Variants in NUMA1 observed in about 807,000 individuals in gnomAD.
NUMA1 encodes SP-H antigen.
In NUMA1, 62 loss-of-function variants were observed where a neutral mutation model predicts 237.1. The observed-to-expected ratio is 0.26, with a 90% CI of 0.21 to 0.32. NUMA1 has a LOEUF of 0.32. NUMA1 is among the 10% of genes least tolerant of loss of function. The probability of loss-of-function intolerance (pLI) is 1.00; values close to 1 mark genes in which losing one functional copy is unlikely to be tolerated. For synonymous variants in NUMA1, 1,028 were observed against 1,066.1 expected, an observed-to-expected ratio of 0.96 and a Z score of 0.70; for missense variants, 2,533 against 2,666.5, an observed-to-expected ratio of 0.95 and a Z score of 1.10.
At chr11:72,026,015 G>A (rs1163691873) in intron 4 of NUMA1, among the ~76,000 whole-genome samples, 1 of 152,062 alleles carries the variant, frequency 6.6e-6, no homozygotes, top group African/African-American at 2.4e-5. Context: ...AAAAATGCTG[G>A]GTTAAACTGA....
rs148604464 is a variant in NUMA1, at chr11:72,009,108, C to T, written c.4917G>A (p.Glu1639=). 5 of 1,613,040 alleles carry T rather than the reference C, an allele frequency of 3.1e-6. No individual in the cohort carries two copies. Among genetic ancestry groups the T allele is most frequent in the African/African-American group, 2.7e-5 (2 of 74,904 alleles). The change falls in exon 19 of 27, where the codon GAG becomes GAA. Residue 1639 remains glutamate (E), a synonymous_variant. Transcript: ENST00000393695. ...GCTCTTTGTTTTCCTTCTGCAGCTG[C>T]TCCAGGCTCCGCAGCTGCTCCTGCA... ...QELQEQLRSL[E]QLQKENKELR...
intron 2 of NUMA1, among the ~76,000 whole-genome samples, chr11:72,060,600 GCCA>G (rs1942887728): frequency 6.6e-6 from 1 of 151,976 alleles, no homozygotes. Context: ...CTGCCATTGT[GCCA>G]CCACATTCCA....
At chr11:72,064,185 C>G (rs1227232428) in intron 2 of NUMA1, among the ~76,000 whole-genome samples, 1 of 152,090 alleles carries the variant, frequency 6.6e-6, no homozygotes, top group Non-Finnish European at 1.5e-5. Flanking sequence ...TGGCTGGGTA[C>G]AGTGGCTCAC....
At chr11:72,079,743 A>AG (rs1339038226) in intron 1 of NUMA1, among the ~76,000 whole-genome samples, 3 of 30,028 alleles carry the variant, frequency 1.0e-4, no homozygotes, top group African/African-American at 1.6e-4. Flanking sequence ...AAAAACAAAC[A>AG]AAAATTAAAA....
At chr11:72,037,386 G>C (rs1218535178) in intron 2 of NUMA1, among the ~76,000 whole-genome samples, 1 of 152,090 alleles carries the variant, frequency 6.6e-6, no homozygotes, top group Non-Finnish European at 1.5e-5. Flanking sequence ...GGCGCCTGTA[G>C]TCCCAGCTAC....
At chr11:72,007,929 G>C (rs1275124694) in intron 20 of NUMA1, 3 of 369,690 alleles carry the variant, frequency 8.1e-6, no homozygotes, top group East Asian at 1.3e-4. Flanking sequence ...CTCTCACCTA[G>C]ACTCATCATG....
At chr11:72,005,626 A>AG (rs1203398230) in intron 22 of NUMA1, 5 of 522,586 alleles carry the variant, frequency 9.6e-6, no homozygotes, top group Non-Finnish European at 1.3e-5. Flanking sequence ...TCACCTGCCA[A>AG]GGCTTGGTGG....
chr11:72,080,006 C>T (rs952106218), intron 1 of NUMA1, among the ~76,000 whole-genome samples: 1 of 152,090 alleles, frequency 6.6e-6, no homozygotes, highest in African/African-American at 2.4e-5. Flanking sequence ...CTCAGGCTCC[C>T]CATCTTTAAA....
chr11:72,022,677 T>G (rs75604223), intron 6 of NUMA1, among the ~76,000 whole-genome samples: 4,324 of 151,744 alleles, frequency 0.028, 59 homozygotes, highest in East Asian at 0.074. Context: ...CATGGAACCC[T>G]GGGTGTGAAG....
At chr11:72,011,141 CAGG>C (rs1374629810) in intron 16 of NUMA1, among the ~76,000 whole-genome samples, 7 of 152,220 alleles carry the variant, frequency 4.6e-5, no homozygotes, top group Non-Finnish European at 8.8e-5. Context: ...CCTCCAAAAT[CAGG>C]AGAATTGACT....
At chr11:72,009,538 C>T (rs1039273328) in intron 17 of NUMA1, 151 bp from the exon 18 acceptor site, 38 of 1,064,766 alleles carry the variant, frequency 3.6e-5, no homozygotes, top group Non-Finnish European at 7.9e-6. Context: ...TACTCTCTGC[C>T]CGACTACAGT....
intron 2 of NUMA1, among the ~76,000 whole-genome samples, chr11:72,040,056 G>A (rs549115659): frequency 9.8e-5 from 15 of 152,288 alleles, no homozygotes; most frequent in Admixed American, 3.9e-4. Flanking sequence ...TCCAAGAGAC[G>A]CCATACAGAG....
rs746044172 is a variant in NUMA1, at chr11:72,015,499, C to T, written c.2004G>A (p.Glu668=). 1 of 1,613,266 alleles carries T rather than the reference C, an allele frequency of 6.2e-7. No individual in the cohort carries two copies. The highest frequency in any genetic ancestry group is 8.5e-7 in the Non-Finnish European group (1 of 1,180,032). ...CVETARQEQH[E]AQAQVAELEL... is the part of the protein sequence containing the mutation. ...CTAGCTCTGCAACCTGGGCCTGGGC[C>T]TCATGCTGTTCCTGGCGGGCTGTCT... Residue 668 remains glutamate, a synonymous_variant, in exon 15 of 27, where the codon GAG becomes GAA. Transcript: ENST00000393695. This position sits in a 1 kb window ranked among gnomAD's most constrained non-coding sequence, Gnocchi z 4.0.
chr11:72,054,735 C>T (rs550210654), intron 2 of NUMA1, among the ~76,000 whole-genome samples: 38 of 152,224 alleles, frequency 2.5e-4, no homozygotes, highest in African/African-American at 7.9e-4. Context: ...AGGTCTTAGA[C>T]GTGAGATATC....
intron 2 of NUMA1, among the ~76,000 whole-genome samples, chr11:72,043,759 A>G (rs1040280502): frequency 3.3e-5 from 5 of 152,100 alleles, no homozygotes; most frequent in Non-Finnish European, 5.9e-5. Context: ...AATGTTTTAC[A>G]TATAAGATAA....
intron 12 of NUMA1, 160 bp downstream of exon 12, chr11:72,018,023 G>A (rs1234639343): frequency 3.9e-5 from 36 of 928,924 alleles, no homozygotes; most frequent in Middle Eastern, 3.2e-4. Flanking sequence ...CCGGGAAGCC[G>A]CCAATTATGG....
At chr11:72,073,955 G>A (rs942513990) in intron 1 of NUMA1, among the ~76,000 whole-genome samples, 1 of 152,062 alleles carries the variant, frequency 6.6e-6, no homozygotes, top group Non-Finnish European at 1.5e-5. Context: ...ACTTTGGGAG[G>A]CTGAGGCAGG....
At chr11:72,018,614 C>T in intron 10 of NUMA1, 101 bp from the exon 11 acceptor site, 1 of 1,104,846 alleles carries the variant, frequency 9.1e-7, no homozygotes, top group Non-Finnish European at 1.3e-6. Context: ...GAGGAGACGG[C>T]ATAGGGAAGA....
intron 2 of NUMA1, chr11:72,067,438 C>T (rs1158025577): frequency 6.6e-6 from 1 of 152,188 alleles, no homozygotes; most frequent in Non-Finnish European, 1.5e-5. Flanking sequence ...TGATGAAATT[C>T]ACCCCCACCT....
Sources: gnomAD v4.1 joint callset for allele counts (sites outside exome capture counted in the v4.1 genomes callset) on GRCh38, gnomAD v4.1.1 for gene constraint, Gnocchi (gnomAD v3.1) non-coding constraint, MANE v1.5 for transcripts, NCBI Gene and HGNC (gene_info 2026-07-23, HGNC 2026-07-21) for gene names.